TCF4: variants seen among roughly 807,000 people sequenced by gnomAD.
The protein encoded by TCF4 is transcription factor 4.
TCF4 carries 3 observed loss-of-function variants against 82.1 expected under a neutral mutation model. The ratio of observed to expected loss-of-function variants is 0.04; its 90% CI spans 0.02 to 0.09. TCF4 has a LOEUF of 0.09. TCF4 is among the 10% of genes least tolerant of loss of function. The pLI is 1.00. For missense variants in TCF4, 518 were observed against 852.7 expected, an observed-to-expected ratio of 0.61 and a Z score of 4.89; for synonymous variants, 276 against 309.6, an observed-to-expected ratio of 0.89 and a Z score of 1.14.
intron 8 of TCF4, chr18:55,302,498 T>C (rs1431219584): frequency 1.3e-6 from 2 of 1,536,152 alleles, no homozygotes; most frequent in East Asian, 2.4e-5. Flanking sequence ...GTGGTGTTGT[T>C]TGCTGATTGG....
chr18:55,568,786 GA>G (rs920397907), intron 3 of TCF4, among the ~76,000 whole-genome samples: 5 of 151,888 alleles, frequency 3.3e-5, no homozygotes, highest in Admixed American at 2.0e-4. Context: ...AAAGTAGGAG[GA>G]AAAAAATATT....
At chr18:55,575,705 C>T (rs1173969101) in intron 3 of TCF4, among the ~76,000 whole-genome samples, 2 of 152,050 alleles carry the variant, frequency 1.3e-5, no homozygotes, top group African/African-American at 2.4e-5. Context: ...AAGATACTTG[C>T]AGGTCACAGA....
intron 5 of TCF4, among the ~76,000 whole-genome samples, chr18:55,453,634 T>C (rs1391942264): frequency 6.6e-6 from 1 of 152,056 alleles, no homozygotes; most frequent in Non-Finnish European, 1.5e-5. Flanking sequence ...CTAAAAGTGT[T>C]TGAGGACCAC....
intron 2 of TCF4, among the ~76,000 whole-genome samples, chr18:55,608,255 A>T (rs1167152070): frequency 6.6e-6 from 1 of 152,148 alleles, no homozygotes; most frequent in East Asian, 1.9e-4. Flanking sequence ...CTAGCAATGC[A>T]ATTTATTAAA....
rs1418905601 is a variant in TCF4, at chr18:55,585,273, T to C, written c.145+7A>G. 1.9e-6 allele frequency: 3 copies of C among 1,613,034 alleles called. No individual in the cohort carries two copies. The African/African-American group carries it at 4.0e-5, about 22-fold the overall frequency. The stretch of plus-strand genomic sequence containing the variant: ...TTAACTTAACACTAAGAAAAGAATT[T>C]ACATACTTGAGCCAGTAAAATGTCC... On this transcript the variant is annotated splice_region_variant and intron_variant, in intron 3 of 19. Coordinates refer to ENST00000354452, the MANE Select transcript of TCF4 (RefSeq NM_001083962.2).
At chr18:55,310,164 A>G (rs2071838773) in intron 8 of TCF4, among the ~76,000 whole-genome samples, 1 of 152,194 alleles carries the variant, frequency 6.6e-6, no homozygotes, top group African/African-American at 2.4e-5. Context: ...GTGTGATTTT[A>G]CTAGAATGTG....
At chr18:55,516,875 AAATAAGGTGT>A (rs1285537610) in intron 3 of TCF4, among the ~76,000 whole-genome samples, 2 of 152,260 alleles carry the variant, frequency 1.3e-5, no homozygotes, top group South Asian at 4.1e-4. Context: ...GGCTTTAACT[AAATAAGGTGT>A]AAGGTCAATG....
At chr18:55,347,567 G>A (rs578216872) in intron 8 of TCF4, among the ~76,000 whole-genome samples, 30 of 152,196 alleles carry the variant, frequency 2.0e-4, no homozygotes, top group African/African-American at 6.3e-4. Flanking sequence ...CCAGGCCTAC[G>A]TTTTCTCTCT....
chr18:55,611,164 A>G (rs574716539), intron 2 of TCF4, among the ~76,000 whole-genome samples: 124 of 152,304 alleles, frequency 8.1e-4, no homozygotes, highest in African/African-American at 3.0e-3. Context: ...AATAGTTGCA[A>G]GATAAGCAGC....
At chr18:55,500,537 C>G (rs2096686522) in intron 3 of TCF4, among the ~76,000 whole-genome samples, 1 of 152,148 alleles carries the variant, frequency 6.6e-6, no homozygotes, top group African/African-American at 2.4e-5. Flanking sequence ...ATGAGTCATT[C>G]AGCCAGGATG....
chr18:55,519,736 A>AT (rs2096917676), intron 3 of TCF4, among the ~76,000 whole-genome samples: 1 of 152,194 alleles, frequency 6.6e-6, no homozygotes, highest in Non-Finnish European at 1.5e-5. Context: ...CCTGCTTAGC[A>AT]TATGTGTAAC....
chr18:55,431,952 A>T (rs79551827), intron 5 of TCF4, among the ~76,000 whole-genome samples: 205 of 152,294 alleles, frequency 1.3e-3, no homozygotes, highest in African/African-American at 4.6e-3. Flanking sequence ...CTGAAAGTCA[A>T]CACTGTGAAA....
intron 2 of TCF4, among the ~76,000 whole-genome samples, chr18:55,593,957 G>C (rs2097688278): frequency 6.6e-6 from 1 of 152,170 alleles, no homozygotes; most frequent in Non-Finnish European, 1.5e-5. Context: ...CATATTTTTA[G>C]GTTGATAAGT....
At chr18:55,408,089 G>A (rs1258373418) in intron 5 of TCF4, among the ~76,000 whole-genome samples, 1 of 152,090 alleles carries the variant, frequency 6.6e-6, no homozygotes, top group Non-Finnish European at 1.5e-5. Context: ...TCCCTCTTGT[G>A]GTTGACCAGT....
At chr18:55,434,035 A>G (rs989548536) in intron 5 of TCF4, among the ~76,000 whole-genome samples, 2 of 152,176 alleles carry the variant, frequency 1.3e-5, no homozygotes, top group African/African-American at 2.4e-5. Flanking sequence ...TGCCAGAGTA[A>G]AACAATTTTT....
At chr18:55,484,583 C>T (rs1284512002) in intron 3 of TCF4, among the ~76,000 whole-genome samples, 3 of 152,156 alleles carry the variant, frequency 2.0e-5, no homozygotes, top group Non-Finnish European at 4.4e-5. Context: ...TTGTGCATGG[C>T]AGTGGGGCCC....
chr18:55,236,685 GA>G (rs2049547470), intron 15 of TCF4, among the ~76,000 whole-genome samples: 1 of 152,142 alleles, frequency 6.6e-6, no homozygotes, highest in African/African-American at 2.4e-5. Flanking sequence ...TTCAATCAAT[GA>G]TTATCCTTTC....
intron 10 of TCF4, among the ~76,000 whole-genome samples, chr18:55,271,263 G>A (rs1291396784): frequency 1.3e-5 from 2 of 151,890 alleles, no homozygotes; most frequent in East Asian, 1.9e-4. Flanking sequence ...ATTATATTTG[G>A]CCTTTCATTT....
At chr18:55,399,983 A>G (rs2093727814) in intron 6 of TCF4, among the ~76,000 whole-genome samples, 1 of 151,990 alleles carries the variant, frequency 6.6e-6, no homozygotes, top group Non-Finnish European at 1.5e-5. Context: ...AAGAAAATAC[A>G]AACAATTCCT....
Sources: allele counts gnomAD v4.1 joint callset (sites outside exome capture counted in the v4.1 genomes callset), GRCh38; gene constraint gnomAD v4.1.1; transcripts MANE v1.5; gene names NCBI Gene and HGNC (gene_info 2026-07-23, HGNC 2026-07-21).